Variants in SND1 observed in about 807,000 individuals in gnomAD.
The protein encoded by SND1 is staphylococcal nuclease domain-containing protein 1.
Under a neutral mutation model 121.7 loss-of-function variants are expected in SND1, and 38 were observed. The ratio of observed to expected loss-of-function variants is 0.31; its 90% CI spans 0.24 to 0.41. The LOEUF (loss-of-function observed/expected upper bound fraction) is 0.41. Among genes scored for constraint, SND1 ranks in the 10% least tolerant of loss-of-function variants. SND1 has a pLI of 1.00. For synonymous variants in SND1, 401 were observed against 447.4 expected, an observed-to-expected ratio of 0.90 and a Z score of 1.31; for missense variants, 868 against 1,184.6, an observed-to-expected ratio of 0.73 and a Z score of 3.92.
chr7:127,890,979 T>A (rs1354752613), intron 13 of SND1, among the ~76,000 whole-genome samples: 1 of 152,062 alleles, frequency 6.6e-6, no homozygotes, highest in Non-Finnish European at 1.5e-5. Context: ...GGCATTGCCA[T>A]AAGGAAATAC....
At chr7:127,824,087 A>T (rs1375363690) in intron 11 of SND1, among the ~76,000 whole-genome samples, 2 of 152,254 alleles carry the variant, frequency 1.3e-5, no homozygotes, top group Non-Finnish European at 2.9e-5. Flanking sequence ...ACTTTTTAAA[A>T]AAGTAAATAA....
intron 11 of SND1, among the ~76,000 whole-genome samples, chr7:127,827,435 A>G (rs1294545781): frequency 6.6e-6 from 1 of 152,152 alleles, no homozygotes; most frequent in Non-Finnish European, 1.5e-5. Context: ...TTTATATTTC[A>G]CATCTCTTTC....
intron 12 of SND1, 38 bp downstream of exon 12, chr7:127,844,462 C>G: frequency 6.6e-7 from 1 of 1,508,764 alleles, no homozygotes; most frequent in Non-Finnish European, 9.2e-7. Context: ...GCTGTCATCT[C>G]AAGTAGCTAA....
intron 22 of SND1, among the ~76,000 whole-genome samples, chr7:128,091,388 A>AT (rs36100064): frequency 0.091 from 13,284 of 145,358 alleles, 633 homozygotes; most frequent in South Asian, 0.16. Context: ...TGCCTGGCTA[A>AT]TTTTTTTTTT....
intron 13 of SND1, among the ~76,000 whole-genome samples, chr7:127,896,137 C>T (rs1425562436): frequency 6.6e-6 from 1 of 152,032 alleles, no homozygotes; most frequent in Non-Finnish European, 1.5e-5. Flanking sequence ...GGCTAAACTT[C>T]CTACATGAAT....
intron 16 of SND1, among the ~76,000 whole-genome samples, chr7:128,051,461 C>A (rs1030140768): frequency 9.9e-5 from 15 of 151,064 alleles, no homozygotes; most frequent in Admixed American, 7.9e-4. Flanking sequence ...ATGAAAATTA[C>A]CCCACAGGGT....
chr7:127,707,674 G>A, intron 9 of SND1, 27 bp downstream of exon 9: 1 of 1,553,128 alleles, frequency 6.4e-7, no homozygotes, highest in Non-Finnish European at 8.9e-7. Flanking sequence ...ATCTTGATAT[G>A]CATAGTGGAC....
At chr7:127,745,762 C>G (rs921325299) in intron 10 of SND1, among the ~76,000 whole-genome samples, 3 of 152,138 alleles carry the variant, frequency 2.0e-5, no homozygotes, top group Admixed American at 6.5e-5. Flanking sequence ...GTGGCTTGAT[C>G]ATAGACTTAG....
chr7:127,824,145 T>C (rs76117561), intron 11 of SND1, among the ~76,000 whole-genome samples: 3,026 of 152,336 alleles, frequency 0.02, 109 homozygotes, highest in African/African-American at 0.068. Context: ...CCTTTTCCCA[T>C]GGTGGTATCT....
At chr7:127,908,318 ATGTGTGTGTGTGTG>A (rs10579969) in intron 14 of SND1, among the ~76,000 whole-genome samples, 1,514 of 138,554 alleles carry the variant, frequency 0.011, 23 homozygotes, top group South Asian at 0.033. Context: ...ATAATAATAA[ATGTGTGTGTGTGTG>A]TGTGTGTGTG....
At chr7:127,771,216 G>A (rs1797507111) in intron 10 of SND1, among the ~76,000 whole-genome samples, 1 of 152,186 alleles carries the variant, frequency 6.6e-6, no homozygotes, top group Non-Finnish European at 1.5e-5. Flanking sequence ...TTCACCCTGA[G>A]TTAAGCAAAG....
intron 10 of SND1, among the ~76,000 whole-genome samples, chr7:127,749,854 G>A (rs1390060396): frequency 2.6e-5 from 4 of 152,168 alleles, no homozygotes; most frequent in African/African-American, 4.8e-5. Flanking sequence ...AGCCTGCAAT[G>A]CCAACAATTT....
intron 12 of SND1, among the ~76,000 whole-genome samples, chr7:127,868,972 T>C (rs1799527409): frequency 6.6e-6 from 1 of 152,162 alleles, no homozygotes; most frequent in African/African-American, 2.4e-5. Context: ...GAGAGATCTA[T>C]TTTGTGCGGC....
intron 9 of SND1, among the ~76,000 whole-genome samples, chr7:127,712,373 G>A (rs1796312690): frequency 6.6e-6 from 1 of 152,108 alleles, no homozygotes; most frequent in Non-Finnish European, 1.5e-5. Flanking sequence ...TGCCCAGGCT[G>A]GTCTTGAACT....
At chr7:128,022,204 CA>C (rs58371490) in intron 16 of SND1, among the ~76,000 whole-genome samples, 17,213 of 74,022 alleles carry the variant, frequency 0.23, 587 homozygotes, top group Middle Eastern at 0.31. Context: ...GACTCTCTCT[CA>C]AAAAAAAAAA....
At chr7:127,755,335 G>A (rs1217446250) in intron 10 of SND1, among the ~76,000 whole-genome samples, 1 of 152,200 alleles carries the variant, frequency 6.6e-6, no homozygotes, top group Admixed American at 6.5e-5. Flanking sequence ...AAGCTGAAAC[G>A]AGGAAGTTCT....
chr7:127,772,574 C>T (rs1040726916), intron 10 of SND1, among the ~76,000 whole-genome samples: 1 of 152,138 alleles, frequency 6.6e-6, no homozygotes, highest in South Asian at 2.1e-4. Flanking sequence ...GTCAGAAATC[C>T]TCAAAAAATA....
chr7:128,012,665 C>T (rs918479867), intron 16 of SND1, among the ~76,000 whole-genome samples: 5 of 152,242 alleles, frequency 3.3e-5, no homozygotes, highest in East Asian at 3.9e-4. Flanking sequence ...GCAAGTGGGA[C>T]GAGCAGCAGC....
At chr7:127,778,378 T>A (rs1797659785) in intron 10 of SND1, among the ~76,000 whole-genome samples, 1 of 152,060 alleles carries the variant, frequency 6.6e-6, no homozygotes, top group Admixed American at 6.5e-5. Context: ...TTCATATTTT[T>A]AGTAGAGACA....
Sources: allele counts gnomAD v4.1 joint callset (sites outside exome capture counted in the v4.1 genomes callset), GRCh38; gene constraint gnomAD v4.1.1; transcripts MANE v1.5; gene names NCBI Gene and HGNC (gene_info 2026-07-23, HGNC 2026-07-21).